The following STK33 variants were observed in gnomAD, a reference collection of about 807,000 sequenced individuals.
STK33 encodes the protein serine/threonine kinase 33, also known as serine/threonine-protein kinase 33.
STK33 carries 52 observed loss-of-function variants against 58.0 expected under a neutral mutation model. The ratio of observed to expected loss-of-function variants is 0.90; its 90% CI spans 0.72 to 1.13. The LOEUF (loss-of-function observed/expected upper bound fraction) is 1.13. STK33 is among the 50% of genes most tolerant of loss of function. STK33 has a pLI of 0.00. For missense variants in STK33, 630 were observed against 604.2 expected (o/e 1.04, Z -0.45); for synonymous variants, 215 against 200.1 (o/e 1.07, Z -0.63).
chr11:8,368,597 G>A, the STK33 span, among the ~76,000 whole-genome samples: 3 of 152,200 alleles, frequency 2.0e-5, no homozygotes, highest in Non-Finnish European at 4.4e-5. Flanking sequence ...GTCATTTCCG[G>A]GTGTTTATAG....
chr11:8,348,298 A>T, the STK33 span, among the ~76,000 whole-genome samples: 18 of 152,134 alleles, frequency 1.2e-4, no homozygotes, highest in Admixed American at 7.9e-4. Context: ...GGCTTAATTG[A>T]CTCACAGTTC....
At chr11:8,465,158 T>A (rs1948025406) in intron 6 of STK33, 1 of 178,092 alleles carries the variant, frequency 5.6e-6, no homozygotes, top group Non-Finnish European at 1.2e-5. Context: ...ATGATTTATA[T>A]ATATACACAC....
chr11:8,402,413 A>G (rs183607055), intron 15 of STK33, among the ~76,000 whole-genome samples: 93 of 152,222 alleles, frequency 6.1e-4, no homozygotes, highest in African/African-American at 2.1e-3. Context: ...GGAATTGAAC[A>G]ATGAGAACAG....
intron 1 of STK33, among the ~76,000 whole-genome samples, chr11:8,587,462 C>T (rs1041619454): frequency 8.4e-4 from 128 of 152,192 alleles, no homozygotes; most frequent in Non-Finnish European, 1.6e-4. Context: ...CCACACTGCA[C>T]GCTTGAACCT....
rs187081273 is a variant in STK33, at chr11:8,397,898, A to G, written c.1345-5188T>C. ...CAAATGAATGAAATGAAGCAAGAAGAGAAGTTTAGAGAAAAAAGAATAAAA... is the reference window on the plus strand; with the variant it reads ...CAAATGAATGAAATGAAGCAAGAAGGGAAGTTTAGAGAAAAAAGAATAAAA... On this transcript the variant is annotated intron_variant, in intron 15 of 15. Coordinates refer to ENST00000687296, the MANE Select transcript of STK33 (RefSeq NM_001352389.2). 3.5e-3 allele frequency among the ~76,000 whole-genome samples: 537 copies of G among 152,326 alleles called. 3 individuals carry two copies. Among genetic ancestry groups the G allele is most frequent in the African/African-American group, 0.012 (513 of 41,558 alleles).
At chr11:8,383,551 G>A in the STK33 span, among the ~76,000 whole-genome samples, 9 of 152,284 alleles carry the variant, frequency 5.9e-5, no homozygotes, top group South Asian at 8.3e-4. Flanking sequence ...ATGGGTTTCA[G>A]CAAAATACCT....
the STK33 span, among the ~76,000 whole-genome samples, chr11:8,361,710 C>G: frequency 2.6e-5 from 4 of 152,348 alleles, no homozygotes; most frequent in South Asian, 6.2e-4. This position sits in a 1 kb window ranked among gnomAD's most constrained non-coding sequence, Gnocchi z 4.8. Flanking sequence ...ACCTTGGGCT[C>G]TGTCTTATCT....
At chr11:8,458,048 T>C (rs1481729387) in intron 8 of STK33, among the ~76,000 whole-genome samples, 4 of 152,138 alleles carry the variant, frequency 2.6e-5, no homozygotes, top group South Asian at 4.2e-4. Context: ...GGATTTTTTT[T>C]CCCATATGCA....
At chr11:8,401,126 T>C (rs1036018167) in intron 15 of STK33, among the ~76,000 whole-genome samples, 2 of 152,266 alleles carry the variant, frequency 1.3e-5, no homozygotes, top group African/African-American at 2.4e-5. Flanking sequence ...TGCTTTAAAG[T>C]TAATATGGAA....
the STK33 span, among the ~76,000 whole-genome samples, chr11:8,363,771 G>A: frequency 3.9e-5 from 6 of 152,134 alleles, no homozygotes; most frequent in African/African-American, 1.4e-4. Context: ...GTTAAAAACG[G>A]TTACTGTTAG....
intron 15 of STK33, among the ~76,000 whole-genome samples, chr11:8,412,674 C>T (rs532898799): frequency 1.3e-4 from 20 of 152,188 alleles, no homozygotes; most frequent in Non-Finnish European, 2.5e-4. Context: ...AGTCTGGCTA[C>T]CCTGAGGTGA....
chr11:8,404,765 T>A (rs758039758), intron 15 of STK33, among the ~76,000 whole-genome samples: 1 of 152,222 alleles, frequency 6.6e-6, no homozygotes, highest in Non-Finnish European at 1.5e-5. Flanking sequence ...TGCTTATACA[T>A]AAATCCGCTA....
At chr11:8,555,547 C>T (rs1349575527) in intron 1 of STK33, among the ~76,000 whole-genome samples, 1 of 151,890 alleles carries the variant, frequency 6.6e-6, no homozygotes, top group African/African-American at 2.4e-5. Context: ...CGCCTGTAAT[C>T]CCAGTTACTC....
intron 1 of STK33, among the ~76,000 whole-genome samples, chr11:8,577,967 G>A (rs1464508453): frequency 1.3e-5 from 2 of 152,054 alleles, no homozygotes; most frequent in African/African-American, 4.8e-5. Context: ...CTTCCATGCA[G>A]CAGTGAGTCA....
At chr11:8,356,037 C>T in the STK33 span, among the ~76,000 whole-genome samples, 219 of 152,324 alleles carry the variant, frequency 1.4e-3, no homozygotes, top group African/African-American at 4.9e-3. Flanking sequence ...AGAAACCAAA[C>T]GCCGTTCTAC....
chr11:8,470,187 C>T (rs1948638791), intron 6 of STK33, among the ~76,000 whole-genome samples: 1 of 152,204 alleles, frequency 6.6e-6, no homozygotes, highest in South Asian at 2.1e-4. Flanking sequence ...GTGTAGCCAT[C>T]TTCTATCAAT....
At chr11:8,433,187 A>G (rs745844677) in intron 14 of STK33, among the ~76,000 whole-genome samples, 80 of 152,220 alleles carry the variant, frequency 5.3e-4, no homozygotes, top group Non-Finnish European at 1.1e-3. Flanking sequence ...CCTTTGAGAG[A>G]GCAACACATT....
intron 1 of STK33, among the ~76,000 whole-genome samples, chr11:8,555,414 A>G (rs1218471560): frequency 6.6e-6 from 1 of 152,196 alleles, no homozygotes; most frequent in Non-Finnish European, 1.5e-5. Context: ...CTGTAATCCT[A>G]GCACACTAGG....
At chr11:8,398,595 A>T in intron 15 of STK33, among the ~76,000 whole-genome samples, 1 of 152,246 alleles carries the variant, frequency 6.6e-6, no homozygotes, top group Non-Finnish European at 1.5e-5. Flanking sequence ...TGACAGGATC[A>T]AATTCAGACG....
Sources: allele counts gnomAD v4.1 joint callset (sites outside exome capture counted in the v4.1 genomes callset), GRCh38; gene constraint gnomAD v4.1.1; non-coding constraint Gnocchi (gnomAD v3.1); transcripts MANE v1.5; gene names NCBI Gene and HGNC (gene_info 2026-07-23, HGNC 2026-07-21).